GNA14: variants seen among roughly 807,000 people sequenced by gnomAD.
The protein encoded by GNA14 is guanine nucleotide-binding protein subunit alpha-14.
In GNA14, 50 loss-of-function variants were observed where a neutral mutation model predicts 42.0. The ratio of observed to expected loss-of-function variants is 1.19; its 90% confidence interval spans 0.95 to 1.51. GNA14 has a LOEUF of 1.51. Among genes scored for constraint, GNA14 ranks in the 40% most tolerant of loss-of-function variants. GNA14 has a pLI of 0.00. For missense variants in GNA14, 473 were observed against 446.2 expected, an observed-to-expected ratio of 1.06 and a Z score of -0.54; for synonymous variants, 173 against 163.1, an observed-to-expected ratio of 1.06 and a Z score of -0.46.
intron 1 of GNA14, among the ~76,000 whole-genome samples, chr9:77,627,363 C>A (rs1430388084): frequency 2.0e-5 from 3 of 152,126 alleles, no homozygotes; most frequent in Non-Finnish European, 4.4e-5. Context: ...AAAAGAGGGA[C>A]TCTTCCCTAC....
intron 2 of GNA14, among the ~76,000 whole-genome samples, chr9:77,483,160 C>G (rs2093589656): frequency 6.6e-6 from 1 of 152,138 alleles, no homozygotes; most frequent in South Asian, 2.1e-4. Context: ...TTTTTCTGCT[C>G]TGTTTTTTCC....
At chr9:77,637,950 G>C (rs1174951264) in intron 1 of GNA14, among the ~76,000 whole-genome samples, 3 of 151,900 alleles carry the variant, frequency 2.0e-5, no homozygotes, top group Admixed American at 2.0e-4. Context: ...AGTTTATTCT[G>C]AAAAAATACT....
intron 2 of GNA14, chr9:77,526,474 T>C (rs143162393): frequency 0.019 from 2,912 of 150,766 alleles, 24 homozygotes; most frequent in Non-Finnish European, 0.031. Context: ...GGGTCGACCC[T>C]AATCCAGCGA....
In GNA14 at chr9:77,519,272, G is replaced by A. The variant is rs149403825; in HGVS notation, c.309+9797C>T. Among the ~76,000 whole-genome samples, 22 of 152,116 alleles carry A rather than the reference G, an allele frequency of 1.4e-4. No individual in the cohort carries two copies. In the East Asian group the frequency reaches 4.3e-3, roughly 30 times the overall value. On this transcript the variant is annotated intron_variant, in intron 2 of 6. Transcript: ENST00000341700. ...CTAAAAATACAAAAATTAGCTGGGC[G>A]TGGTGGCGGGTGCCTGTATTCCCAG...
At chr9:77,623,944 C>A (rs886423698) in intron 1 of GNA14, among the ~76,000 whole-genome samples, 2 of 152,196 alleles carry the variant, frequency 1.3e-5, no homozygotes, top group Non-Finnish European at 2.9e-5. Flanking sequence ...GGAAAAGGGG[C>A]TGAAGCCAGG....
chr9:77,590,669 C>T (rs149173162), intron 1 of GNA14, among the ~76,000 whole-genome samples: 3 of 151,424 alleles, frequency 2.0e-5, no homozygotes, highest in Non-Finnish European at 2.9e-5. Flanking sequence ...AAGACCCGTT[C>T]ACTCATGGGA....
At chr9:77,433,586 T>C (rs1485883722) in intron 3 of GNA14, among the ~76,000 whole-genome samples, 1 of 151,952 alleles carries the variant, frequency 6.6e-6, no homozygotes, top group Non-Finnish European at 1.5e-5. Flanking sequence ...TAGTCTCGAA[T>C]TCCTGGTTTC....
At chr9:77,440,714 T>C (rs1835718017) in intron 2 of GNA14, among the ~76,000 whole-genome samples, 1 of 152,004 alleles carries the variant, frequency 6.6e-6, no homozygotes, top group South Asian at 2.1e-4. Flanking sequence ...GCAATTTCCT[T>C]TGTTTCTTTT....
chr9:77,602,780 C>G (rs1048371411), intron 1 of GNA14, among the ~76,000 whole-genome samples: 63 of 152,154 alleles, frequency 4.1e-4, no homozygotes, highest in African/African-American at 1.4e-3. Flanking sequence ...GGGCCGGCCT[C>G]ATGGGCATGT....
intron 1 of GNA14, among the ~76,000 whole-genome samples, chr9:77,544,669 C>T (rs904427016): frequency 9.6e-5 from 12 of 124,674 alleles, no homozygotes; most frequent in African/African-American, 4.2e-4. Context: ...GTCACTGCAT[C>T]TCAAAAAAAA....
At chr9:77,608,573 G>T (rs1823675180) in intron 1 of GNA14, among the ~76,000 whole-genome samples, 3 of 152,028 alleles carry the variant, frequency 2.0e-5, no homozygotes, top group Admixed American at 2.0e-4. Context: ...AACAGATGAG[G>T]AACCAGCCCT....
chr9:77,592,616 C>T lies in GNA14; in HGVS notation c.124+55054G>A, dbSNP rs147534448. On this transcript the variant is annotated intron_variant, in intron 1 of 6. Transcript: ENST00000341700. The stretch of plus-strand genomic sequence containing the variant: ...TAGCACCACACCAGCCTGAATGACT[C>T]ATGAAGTTATTCCCTGCTTCCTCTC... Among the ~76,000 whole-genome samples the T allele has an allele frequency of 1.1e-4, 16 of 152,316 alleles. No individual in the cohort carries two copies. The East Asian group carries it at 3.1e-3, about 29-fold the overall frequency.
At chr9:77,599,830 C>T (rs1823527186) in intron 1 of GNA14, among the ~76,000 whole-genome samples, 1 of 152,128 alleles carries the variant, frequency 6.6e-6, no homozygotes. Flanking sequence ...GTGTCCGTCT[C>T]CCAGGATGAG....
chr9:77,625,006 G>GA (rs1437617048), intron 1 of GNA14, among the ~76,000 whole-genome samples: 3 of 151,574 alleles, frequency 2.0e-5, no homozygotes, highest in Admixed American at 6.6e-5. Context: ...TAAGAACCTT[G>GA]AAAAAAAGGC....
chr9:77,525,908 TTAA>T (rs775839791), intron 2 of GNA14, among the ~76,000 whole-genome samples: 186 of 81,364 alleles, frequency 2.3e-3, no homozygotes, highest in African/African-American at 7.5e-3. Flanking sequence ...GGGACTTTTT[TTAA>T]AAAAAAAAAA....
intron 2 of GNA14, among the ~76,000 whole-genome samples, chr9:77,464,327 ATATATGTGTGTGTGTGTGTG>A (rs1465420274): frequency 3.5e-4 from 51 of 145,648 alleles, no homozygotes; most frequent in African/African-American, 1.0e-3. Context: ...GTGTGTGTAT[ATATATGTGTGTGTGTGTGTG>A]TATATGTGTG....
intron 5 of GNA14, among the ~76,000 whole-genome samples, chr9:77,427,198 T>TG (rs1587752996): frequency 1.3e-5 from 2 of 152,208 alleles, no homozygotes; most frequent in African/African-American, 4.8e-5. Flanking sequence ...CTAAGCACTT[T>TG]GGGCTGAGAT....
chr9:77,487,614 C>G (rs1033765129), intron 2 of GNA14, among the ~76,000 whole-genome samples: 2 of 152,136 alleles, frequency 1.3e-5, no homozygotes, highest in African/African-American at 4.8e-5. Context: ...ATACTGAAAA[C>G]ACAGATAGGC....
Position 77,509,725 on chromosome 9 carries a change from T to G in GNA14, c.309+19344A>C, listed in dbSNP as rs187863142. ...TACTTATTAATCACAAGACAAAGATTCTTGTATAGGTTGGTGAGAAAGTAA... is the reference window on the plus strand; with the variant it reads ...TACTTATTAATCACAAGACAAAGATGCTTGTATAGGTTGGTGAGAAAGTAA... On this transcript the variant is annotated intron_variant, in intron 2 of 6. Transcript: ENST00000341700. 1.9e-3 allele frequency among the ~76,000 whole-genome samples: 290 copies of G among 152,294 alleles called. 1 individual carries two copies. The highest frequency in any genetic ancestry group is 2.9e-3 in the Non-Finnish European group (200 of 68,020).
Sources: allele counts gnomAD v4.1 joint callset (sites outside exome capture counted in the v4.1 genomes callset), GRCh38; gene constraint gnomAD v4.1.1; transcripts MANE v1.5; gene names NCBI Gene and HGNC (gene_info 2026-07-23, HGNC 2026-07-21).